ARHGAP35: variants seen among roughly 807,000 people sequenced by gnomAD.
ARHGAP35 encodes Rho GTPase activating protein 35, also known as rho GTPase-activating protein 35.
Under a neutral mutation model 111.1 loss-of-function variants are expected in ARHGAP35, and 15 were observed. The ratio of observed to expected loss-of-function variants is 0.13; its 90% CI spans 0.09 to 0.21. The LOEUF (loss-of-function observed/expected upper bound fraction) is 0.21, where lower values mean the gene tolerates loss of function less well. Among genes scored for constraint, ARHGAP35 ranks in the 10% least tolerant of loss-of-function variants. ARHGAP35 has a pLI of 1.00. For missense variants in ARHGAP35, 1,262 were observed against 1,873.0 expected (o/e 0.67, Z 6.02); for synonymous variants, 643 against 710.3 (o/e 0.91, Z 1.51).
intron 3 of ARHGAP35, 78 bp downstream of exon 3, chr19:46,937,486 A>G (rs1197383494): frequency 2.4e-5 from 36 of 1,505,684 alleles, no homozygotes; most frequent in Non-Finnish European, 3.3e-5. Flanking sequence ...CCATCTGGAG[A>G]TTCTGGAATC....
intron 1 of ARHGAP35, among the ~76,000 whole-genome samples, chr19:46,889,779 G>A (rs1045215481): frequency 6.7e-6 from 1 of 149,164 alleles, no homozygotes; most frequent in Non-Finnish European, 1.5e-5. Flanking sequence ...AAAGAGTAGA[G>A]GCCATTGTGG....
chr19:46,888,837 C>CAAAAAAAAA (rs769595005), intron 1 of ARHGAP35, among the ~76,000 whole-genome samples: 387 of 53,774 alleles, frequency 7.2e-3, no homozygotes, highest in Middle Eastern at 0.012. Flanking sequence ...ACTAAAAATA[C>CAAAAAAAAA]AAAAAAAAAA....
chr19:46,866,218 T>G (rs2055855927), intron 1 of ARHGAP35, among the ~76,000 whole-genome samples: 1 of 152,238 alleles, frequency 6.6e-6, no homozygotes, highest in Non-Finnish European at 1.5e-5. Flanking sequence ...AGATTTCTTT[T>G]TCACGATCTG....
rs565811889 is a variant in ARHGAP35, at chr19:46,994,577, G to A, written c.4037-4727G>A. On this transcript the variant is annotated intron_variant, in intron 5 of 6. Coordinates refer to ENST00000672722, the MANE Select transcript of ARHGAP35 (RefSeq NM_004491.5). The surrounding 1 kb of genome is among the most constrained non-coding windows in gnomAD (Gnocchi z 5.4). ...CAAGTAGCAGCCAGCCAGAGGCGCC[G>A]TGAACTCGCCGGGGATGAGGATGGT... is the stretch of plus-strand genomic sequence containing the variant. 6.6e-6 allele frequency among the ~76,000 whole-genome samples: 1 copy of A among 152,270 alleles called. No individual in the cohort carries two copies. Among genetic ancestry groups the A allele is most frequent in the East Asian group, 1.9e-4 (1 of 5,174 alleles).
chr19:46,888,998 TCAAAA>T (rs1201938755), intron 1 of ARHGAP35, among the ~76,000 whole-genome samples: 2 of 150,036 alleles, frequency 1.3e-5, no homozygotes, highest in East Asian at 2.0e-4. Flanking sequence ...AGACTCCGTC[TCAAAA>T]CAAAACAAAG....
At chr19:46,967,272 C>T (rs936063581) in intron 3 of ARHGAP35, among the ~76,000 whole-genome samples, 1 of 152,128 alleles carries the variant, frequency 6.6e-6, no homozygotes, top group African/African-American at 2.4e-5. Context: ...AGCTTGTCAG[C>T]CCTCACCGTT....
chr19:46,970,821 C>T (rs1460804886), intron 3 of ARHGAP35, among the ~76,000 whole-genome samples: 1 of 152,122 alleles, frequency 6.6e-6, no homozygotes, highest in East Asian at 1.9e-4. Context: ...TAAAGGATGA[C>T]TCGAAGTGGA....
At chr19:46,974,663 A>G (rs2056569887) in intron 3 of ARHGAP35, among the ~76,000 whole-genome samples, 1 of 152,040 alleles carries the variant, frequency 6.6e-6, no homozygotes, top group African/African-American at 2.4e-5. Context: ...CGTTTCTGTG[A>G]TGTCCGCTTG....
chr19:46,871,065 G>A (rs1307684378), intron 1 of ARHGAP35, among the ~76,000 whole-genome samples: 1 of 152,150 alleles, frequency 6.6e-6, no homozygotes, highest in Non-Finnish European at 1.5e-5. Context: ...CATGTAGGAT[G>A]TTTCTAACTT....
At chr19:46,960,536 G>A (rs1237642223) in intron 3 of ARHGAP35, among the ~76,000 whole-genome samples, 2 of 152,092 alleles carry the variant, frequency 1.3e-5, no homozygotes, top group African/African-American at 2.4e-5. Flanking sequence ...GAAAAAAATA[G>A]GGCTTTTACT....
intron 1 of ARHGAP35, among the ~76,000 whole-genome samples, chr19:46,903,437 G>T (rs966650917): frequency 6.6e-6 from 1 of 152,170 alleles, no homozygotes; most frequent in African/African-American, 2.4e-5. Context: ...GGGAGGTGAG[G>T]CCACGGAGGG....
At chr19:46,912,045 C>CTTTTTTTTT (rs952290963) in intron 1 of ARHGAP35, among the ~76,000 whole-genome samples, 1 of 139,950 alleles carries the variant, frequency 7.1e-6, no homozygotes, top group Non-Finnish European at 1.6e-5. Flanking sequence ...CCCTTCTTTT[C>CTTTTTTTTT]TTTTTTTTTT....
Position 46,999,050 on chromosome 19 carries a change from TGG to T in ARHGAP35, c.4037-250_4037-249del, listed in dbSNP as rs2056731558. On this transcript the variant is annotated intron_variant, in intron 5 of 6. Transcript: ENST00000672722. This position sits in a 1 kb window ranked among gnomAD's most constrained non-coding sequence, Gnocchi z 5.4. ...CTCCAGATTGTTCTGTCTTGGGTGG[TGG>T]GGGCCAGGAAGCCCCAGGCACACAG... 2.0e-6 allele frequency: 1 copy of T among 506,368 alleles called. No individual in the cohort carries two copies. Among genetic ancestry groups the T allele is most frequent in the Admixed American group, 3.3e-5 (1 of 30,472 alleles). 31.4% of individuals were successfully genotyped at this position (506,368 alleles called of 1,614,324 possible). A position where few individuals can be genotyped will look rare whatever the true frequency, so the allele number is the denominator to read the frequency against.
chr19:47,001,856 C>A lies in ARHGAP35; in HGVS notation c.*1168C>A. 1 of 176,862 alleles carries A rather than the reference C, an allele frequency of 5.7e-6. No homozygotes were observed. 11.0% of individuals were successfully genotyped at this position (176,862 alleles called of 1,614,324 possible). A position where few individuals can be genotyped will look rare whatever the true frequency, so the allele number is the denominator to read the frequency against. On this transcript the variant is annotated 3_prime_UTR_variant, in exon 7 of 7. Coordinates refer to ENST00000672722, the MANE Select transcript of ARHGAP35 (RefSeq NM_004491.5). The surrounding 1 kb of genome is among the most constrained non-coding windows in gnomAD (Gnocchi z 5.4). ...GGTGTGTTGGGTGTTGAAGTGGAAT[C>A]GTTTCATCCCAGCCATGGAGGCCAC...
chr19:46,920,980 A>G lies in ARHGAP35; in HGVS notation c.2305A>G (p.Ser769Gly), dbSNP rs1384015502. ...LDSKRNLNLV[S>G]STASIKDLAD... ...CTCTAAGCGTAACTTAAACCTGGTC[A>G]GTTCTACTGCTAGCATCAAAGATTT... The change falls in exon 2 of 7, where the codon AGT (serine) becomes GGT (glycine). Residue 769 changes from serine to glycine, a missense_variant. Around this residue, in one of 8 missense-constraint regions of ARHGAP35, gnomAD observed 579 missense variants for 716.9 expected, o/e 0.81. Coordinates refer to ENST00000672722, the MANE Select transcript of ARHGAP35 (RefSeq NM_004491.5). The surrounding 1 kb of genome is among the most constrained non-coding windows in gnomAD (Gnocchi z 7.0). The G allele has an allele frequency of 6.2e-7, 1 of 1,614,020 alleles. No individual in the cohort carries two copies. Among genetic ancestry groups the G allele is most frequent in the East Asian group, 2.2e-5 (1 of 44,878 alleles).
chr19:46,863,016 C>T (rs764288711), intron 1 of ARHGAP35, among the ~76,000 whole-genome samples: 4 of 152,070 alleles, frequency 2.6e-5, no homozygotes, highest in Admixed American at 6.5e-5. Context: ...ATCCCTCTCC[C>T]AATTCTGTTC....
Position 47,000,117 on chromosome 19 carries a change from G to C in ARHGAP35, c.4143-214G>C, listed in dbSNP as rs778307870. 6.6e-6 allele frequency among the ~76,000 whole-genome samples: 1 copy of C among 152,166 alleles called. No individual in the cohort carries two copies. Among genetic ancestry groups the C allele is most frequent in the Admixed American group, 6.5e-5 (1 of 15,280 alleles). ...TTGCGGGGCTCCAGGCAGCCTTTCC[G>C]AGGTTGGCCATGTAGAGGCACTGGG... On this transcript the variant is annotated intron_variant, in intron 6 of 6. Transcript: ENST00000672722. This position sits in a 1 kb window ranked among gnomAD's most constrained non-coding sequence, Gnocchi z 6.9.
At chr19:46,949,263 A>G (rs2056398895) in intron 3 of ARHGAP35, 1 of 152,236 alleles carries the variant, frequency 6.6e-6, no homozygotes, top group Non-Finnish European at 1.5e-5. Flanking sequence ...ACAAAAAAGA[A>G]GTCATTGGGG....
intron 3 of ARHGAP35, among the ~76,000 whole-genome samples, chr19:46,963,801 T>C (rs1454794304): frequency 2.0e-5 from 3 of 152,242 alleles, no homozygotes; most frequent in Non-Finnish European, 2.9e-5. Flanking sequence ...GCTGTGATAC[T>C]GCTTCACAAA....
Sources: gnomAD v4.1 joint callset for allele counts (sites outside exome capture counted in the v4.1 genomes callset) on GRCh38, gnomAD v4.1.1 for gene constraint, gnomAD v4.1.1 regional missense constraint, Gnocchi (gnomAD v3.1) non-coding constraint, MANE v1.5 for transcripts, NCBI Gene and HGNC (gene_info 2026-07-23, HGNC 2026-07-21) for gene names.